The following SPAG1 variants were observed in gnomAD, a reference collection of about 807,000 sequenced individuals.
The protein encoded by SPAG1 is sperm associated antigen 1.
In SPAG1, 69 loss-of-function variants were observed where a neutral mutation model predicts 100.5. The ratio of observed to expected loss-of-function variants is 0.69; its 90% CI spans 0.57 to 0.84. The LOEUF is 0.84. SPAG1 is among the 40% of genes least tolerant of loss of function. The pLI, the probability that SPAG1 is intolerant of heterozygous loss-of-function variation, is 0.00. For synonymous variants in SPAG1, 336 were observed against 411.6 expected (o/e 0.82, Z 2.22); for missense variants, 955 against 1,133.1 (o/e 0.84, Z 2.26).
At chr8:100,170,845 A>ATTTATTTTTTTATTTT (rs1554649519) in intron 3 of SPAG1, among the ~76,000 whole-genome samples, 1 of 131,284 alleles carries the variant, frequency 7.6e-6, no homozygotes, top group African/African-American at 3.2e-5. Flanking sequence ...TTATTTATTT[A>ATTTATTTTTTTATTTT]TTTATTTTTT....
intron 2 of SPAG1, chr8:100,165,562 A>C: frequency 4.8e-6 from 2 of 412,832 alleles, no homozygotes; most frequent in Non-Finnish European, 8.8e-6. Context: ...ACACCGCCCC[A>C]CTCACCCTTA....
At chr8:100,188,856 T>G (rs1816694627) in intron 8 of SPAG1, among the ~76,000 whole-genome samples, 1 of 152,174 alleles carries the variant, frequency 6.6e-6, no homozygotes, top group African/African-American at 2.4e-5. Context: ...TGCCATGGAT[T>G]GCCCTCCATT....
intron 1 of SPAG1, among the ~76,000 whole-genome samples, chr8:100,161,176 C>CA (rs1815289963): frequency 1.3e-5 from 2 of 152,094 alleles, no homozygotes; most frequent in East Asian, 3.9e-4. Context: ...CCCATCTCTA[C>CA]AAAAAAATCT....
chr8:100,206,445 C>G (rs1369992408), intron 10 of SPAG1, among the ~76,000 whole-genome samples: 1 of 152,194 alleles, frequency 6.6e-6, no homozygotes, highest in African/African-American at 2.4e-5. Context: ...CAAGATATCA[C>G]ACTGGTACAT....
chr8:100,179,096 A>T (rs1395130605), intron 4 of SPAG1, among the ~76,000 whole-genome samples: 2 of 146,898 alleles, frequency 1.4e-5, no homozygotes, highest in Non-Finnish European at 3.0e-5. Context: ...AAACAAACAA[A>T]AAAACTCTGG....
intron 3 of SPAG1, among the ~76,000 whole-genome samples, chr8:100,170,482 C>T (rs1325240471): frequency 1.3e-5 from 2 of 152,122 alleles, no homozygotes; most frequent in Non-Finnish European, 2.9e-5. Context: ...CTCTTCAGAA[C>T]TTTTTCATCC....
intron 10 of SPAG1, among the ~76,000 whole-genome samples, chr8:100,203,122 T>A (rs1817360177): frequency 6.6e-6 from 1 of 152,176 alleles, no homozygotes; most frequent in Non-Finnish European, 1.5e-5. Flanking sequence ...CCAGCAAATA[T>A]AAGCAGGCAG....
chr8:100,183,457 T>A (rs1212122065), intron 5 of SPAG1, 21 bp downstream of exon 5: 3 of 1,250,016 alleles, frequency 2.4e-6, no homozygotes, highest in Non-Finnish European at 3.4e-6. Context: ...CATGTCTTTA[T>A]ATAAAATGTA....
In SPAG1 at chr8:100,172,650, G is replaced by A. The variant is rs1815920196; in HGVS notation, c.301-5166G>A. On this transcript the variant is annotated intron_variant, in intron 3 of 18. Coordinates refer to ENST00000388798, the MANE Select transcript of SPAG1 (RefSeq NM_003114.5). ...AAGAAATATATGTGTGTGTGTGTGT[G>A]TGTGTGTGTGTGTGTGTATGTGTGT... Among the ~76,000 whole-genome samples the A allele has an allele frequency of 2.0e-5, 3 of 151,412 alleles. No homozygotes were observed. In the South Asian group the frequency reaches 6.3e-4, roughly 32 times the overall value.
intron 10 of SPAG1, among the ~76,000 whole-genome samples, chr8:100,199,443 T>C (rs575257933): frequency 8.5e-5 from 13 of 152,142 alleles, no homozygotes; most frequent in South Asian, 4.1e-4. Context: ...GTTCTTTGCC[T>C]TTTTTTTGTT....
At chr8:100,202,439 G>A (rs1196651261) in intron 10 of SPAG1, among the ~76,000 whole-genome samples, 23 of 151,744 alleles carry the variant, frequency 1.5e-4, no homozygotes, top group Non-Finnish European at 2.8e-4. Flanking sequence ...GGCCGGGCGC[G>A]GTGGCTCATG....
intron 4 of SPAG1, among the ~76,000 whole-genome samples, chr8:100,181,621 C>A (rs1022112851): frequency 6.6e-6 from 1 of 152,214 alleles, no homozygotes; most frequent in Non-Finnish European, 1.5e-5. Context: ...TTCCTTGGCT[C>A]TTCCAGCTTT....
chr8:100,225,384 T>C, intron 14 of SPAG1, 45 bp downstream of exon 14: 8 of 1,559,450 alleles, frequency 5.1e-6, no homozygotes, highest in Non-Finnish European at 6.2e-6. Context: ...TACCTTGAGT[T>C]GTGTGTGTAC....
In SPAG1 at chr8:100,213,149, CAGA is replaced by C. The variant is rs1339772612; in HGVS notation, c.1162_1164del (p.Lys388del). 2.0e-6 allele frequency: 3 copies of C among 1,482,138 alleles called. No individual in the cohort carries two copies. The highest frequency in any genetic ancestry group is 6.0e-5 in the East Asian group (2 of 33,558). The allele number at this position is 1,482,138 out of a possible 1,614,324, so 91.8% of individuals were successfully genotyped here. On this transcript the variant is annotated inframe_deletion, in exon 11 of 19. Transcript: ENST00000388798. ...CCAGCCGTGCGTCATGGGCAACATC[CAGA>C]AGAAGCTGACTGGCAAAGCCGAAGG...
chr8:100,180,447 A>G (rs1442308779), intron 4 of SPAG1, among the ~76,000 whole-genome samples: 1 of 152,254 alleles, frequency 6.6e-6, no homozygotes, highest in Non-Finnish European at 1.5e-5. Context: ...TGTGACAGAA[A>G]ATAGCCCTTA....
chr8:100,214,037 T>C (rs2132356885), intron 12 of SPAG1, 119 bp downstream of exon 12: 1 of 565,520 alleles, frequency 1.8e-6, no homozygotes, highest in Non-Finnish European at 3.2e-6. Context: ...CTTTATGGTA[T>C]GTTAATTGAT....
chr8:100,234,755 G>A lies in SPAG1; in HGVS notation c.2115+1218G>A, dbSNP rs540870874. Among the ~76,000 whole-genome samples the A allele has an allele frequency of 1.7e-4, 26 of 152,320 alleles. 1 individual carries two copies. Among genetic ancestry groups the A allele is most frequent in the Admixed American group, 1.6e-3 (24 of 15,300 alleles). On this transcript the variant is annotated intron_variant, in intron 16 of 18. Transcript: ENST00000388798. The stretch of plus-strand genomic sequence containing the variant: ...CTTGTTTACAAACTGTACAGCTGGA[G>A]GCCAGATGTGACTAGGAGTGGGGAT...
At chr8:100,191,318 C>T (rs1816805004) in intron 8 of SPAG1, 72 bp from the exon 9 acceptor site, 1 of 1,024,416 alleles carries the variant, frequency 9.8e-7, no homozygotes, top group Non-Finnish European at 1.5e-6. Flanking sequence ...TCATATCTTC[C>T]ACTTGCCAAA....
chr8:100,172,632 A>ATG (rs1476386593), intron 3 of SPAG1, among the ~76,000 whole-genome samples: 3 of 93,728 alleles, frequency 3.2e-5, no homozygotes, highest in East Asian at 2.9e-4. Flanking sequence ...AAAAAGAAAT[A>ATG]TATGTGTGTG....
Sources: gnomAD v4.1 joint callset for allele counts (sites outside exome capture counted in the v4.1 genomes callset) on GRCh38, gnomAD v4.1.1 for gene constraint, MANE v1.5 for transcripts, NCBI Gene and HGNC (gene_info 2026-07-23, HGNC 2026-07-21) for gene names.